RSBN1: variants seen among roughly 807,000 people sequenced by gnomAD.
The protein encoded by RSBN1 is lysine-specific demethylase 9.
RSBN1 carries 23 observed loss-of-function variants against 74.8 expected under a neutral mutation model. The ratio of observed to expected loss-of-function variants is 0.31; its 90% CI spans 0.22 to 0.44. RSBN1 has a LOEUF of 0.44. Ranked by LOEUF, RSBN1 falls within the 20% of genes least tolerant of loss-of-function variation. RSBN1 has a pLI of 1.00. For missense variants in RSBN1, 808 were observed against 1,020.9 expected (o/e 0.79, Z 2.84); for synonymous variants, 407 against 379.6 (o/e 1.07, Z -0.84).
chr1:113,797,248 C>A, intron 2 of RSBN1, 115 bp downstream of exon 2: 1 of 849,854 alleles, frequency 1.2e-6, no homozygotes. Context: ...TTTGAAGCAC[C>A]TTTATTACCA....
chr1:113,790,875 T>C (rs1398958029), intron 2 of RSBN1, among the ~76,000 whole-genome samples: 2 of 152,170 alleles, frequency 1.3e-5, no homozygotes, highest in Non-Finnish European at 2.9e-5. Context: ...CCAGACCTCA[T>C]GAACCAAAAT....
At chr1:113,783,276 GA>G (rs912472871) in intron 2 of RSBN1, among the ~76,000 whole-genome samples, 2 of 147,094 alleles carry the variant, frequency 1.4e-5, no homozygotes, top group African/African-American at 5.0e-5. Flanking sequence ...CTGGCAAAAA[GA>G]AAAAAAAGGG....
chr1:113,811,017 A>C (rs897723100), intron 1 of RSBN1, among the ~76,000 whole-genome samples: 1 of 152,202 alleles, frequency 6.6e-6, no homozygotes, highest in East Asian at 1.9e-4. Context: ...AGACAGAATC[A>C]AATGCAACTG....
At chr1:113,768,572 G>C (rs954466073) in intron 4 of RSBN1, among the ~76,000 whole-genome samples, 183 bp from the exon 5 acceptor site, 1 of 152,098 alleles carries the variant, frequency 6.6e-6, no homozygotes, top group Non-Finnish European at 1.5e-5. Flanking sequence ...AATGCTTAAT[G>C]TAATTACCTT....
intron 2 of RSBN1, among the ~76,000 whole-genome samples, chr1:113,790,952 C>G (rs554732049): frequency 8.5e-4 from 130 of 152,278 alleles, no homozygotes; most frequent in African/African-American, 3.1e-3. Flanking sequence ...TTCTTAGGAT[C>G]TGGCAAGTTT....
At chr1:113,789,014 C>T (rs984393294) in intron 2 of RSBN1, among the ~76,000 whole-genome samples, 12 of 152,144 alleles carry the variant, frequency 7.9e-5, no homozygotes, top group African/African-American at 2.9e-4. Context: ...ATCTGGTCTT[C>T]ATCCCTATTT....
rs1472605350 is a variant in RSBN1, at chr1:113,768,311, A to G, written c.1737T>C (p.Thr579=). The change falls in exon 5 of 7, where the codon ACT becomes ACC. Residue 579 remains threonine (T), a synonymous_variant. Coordinates refer to ENST00000261441, the MANE Select transcript of RSBN1 (RefSeq NM_018364.5). ...EPREVLFEDR[T]RAHADHVGQG... is the part of the protein sequence containing the mutation. ...GACCGACATGATCAGCATGAGCTCT[A>G]GTCCTATCTTCAAAGAGAACTTCGC... The G allele has an allele frequency of 1.2e-6, 2 of 1,613,714 alleles. No homozygotes were observed. Among genetic ancestry groups the G allele is most frequent in the Non-Finnish European group, 1.7e-6 (2 of 1,179,728 alleles).
In RSBN1 at chr1:113,777,237, A is replaced by G; in HGVS notation, c.1631T>C (p.Met544Thr). The change falls in exon 4 of 7, where the codon ATG becomes ACG. Residue 544 changes from methionine to threonine, a missense_variant. By Grantham distance (81) the Met-to-Thr change is moderately conservative. Around this residue, in one of 6 missense-constraint regions of RSBN1, gnomAD observed 112 missense variants for 257.3 expected, o/e 0.44. Coordinates refer to ENST00000261441, the MANE Select transcript of RSBN1 (RefSeq NM_018364.5). ...TCGTCTTTTGAAGGGTGACTTTGGC[A>G]TATCTGCTGTAGGGATCATCTGTTC... ...PGEQMIPTAD[M>T]PKSPFKRRRS... is the part of the protein sequence containing the mutation. 6.2e-7 allele frequency: 1 copy of G among 1,610,688 alleles called. No homozygotes were observed. Among genetic ancestry groups the G allele is most frequent in the Non-Finnish European group, 8.5e-7 (1 of 1,177,932 alleles).
rs904147587 is a variant in RSBN1 at position 113,763,644 on chromosome 1, T to C, written c.*2336A>G. 3 of 152,826 alleles carry C rather than the reference T, an allele frequency of 2.0e-5. No individual in the cohort carries two copies. Among genetic ancestry groups the C allele is most frequent in the Admixed American group, 6.5e-5 (1 of 15,292 alleles). The allele number at this position is 152,826 out of a possible 1,614,324, so 9.5% of individuals were successfully genotyped here. A position where few individuals can be genotyped will look rare whatever the true frequency, so the allele number is the denominator to read the frequency against. On this transcript the variant is annotated 3_prime_UTR_variant, in exon 7 of 7. Transcript: ENST00000261441. ...TAGCTAAATGTTTCTCTTCATTCTA[T>C]TGCAATTCTAACATACAATGAATTT...
intron 4 of RSBN1, among the ~76,000 whole-genome samples, chr1:113,776,972 C>G (rs560736944): frequency 3.3e-5 from 5 of 152,030 alleles, no homozygotes; most frequent in South Asian, 4.1e-4. Flanking sequence ...GGGGTTTGAT[C>G]TTTTATCCTG....
At chr1:113,802,753 G>A (rs1166976433) in intron 1 of RSBN1, among the ~76,000 whole-genome samples, 1 of 150,944 alleles carries the variant, frequency 6.6e-6, no homozygotes, top group African/African-American at 2.4e-5. Context: ...AACCACACCT[G>A]GCTCCCACAA....
chr1:113,781,528 C>T (rs1476268995), intron 2 of RSBN1, among the ~76,000 whole-genome samples: 1 of 152,216 alleles, frequency 6.6e-6, no homozygotes, highest in Non-Finnish European at 1.5e-5. Context: ...ACAGATTTAA[C>T]TACCACCTGT....
intron 1 of RSBN1, among the ~76,000 whole-genome samples, chr1:113,809,041 A>C (rs1660775638): frequency 6.6e-6 from 1 of 152,040 alleles, no homozygotes; most frequent in Non-Finnish European, 1.5e-5. Flanking sequence ...GTGAATCATT[A>C]ATTATCTAAA....
At chr1:113,766,888 C>G (rs1394888241) in intron 6 of RSBN1, among the ~76,000 whole-genome samples, 2 of 152,158 alleles carry the variant, frequency 1.3e-5, no homozygotes, top group Non-Finnish European at 2.9e-5. Context: ...CCCAGGCCCA[C>G]CTGGTATCCC....
At chr1:113,802,050 G>A (rs540743758) in intron 1 of RSBN1, among the ~76,000 whole-genome samples, 9 of 151,816 alleles carry the variant, frequency 5.9e-5, no homozygotes, top group African/African-American at 2.2e-4. Flanking sequence ...TGCCTCCCAA[G>A]TTCAAGTGAT....
chr1:113,784,585 C>A (rs771769725), intron 2 of RSBN1, among the ~76,000 whole-genome samples: 5 of 152,152 alleles, frequency 3.3e-5, no homozygotes, highest in Non-Finnish European at 7.3e-5. Context: ...AAGTGTGCAA[C>A]CTAGATCCCT....
chr1:113,810,020 G>A (rs1029269877), intron 1 of RSBN1, among the ~76,000 whole-genome samples: 1 of 152,144 alleles, frequency 6.6e-6, no homozygotes, highest in Non-Finnish European at 1.5e-5. Flanking sequence ...TATTACACAT[G>A]TTATTGCCAC....
chr1:113,812,182 A>C lies in RSBN1; in HGVS notation c.231T>G (p.His77Gln). The change falls in exon 1 of 7, where the codon CAT becomes CAG. Residue 77 changes from histidine to glutamine, a missense_variant. Physicochemically the swap from His to Gln is conservative, Grantham distance 24 (BLOSUM62 0). Transcript: ENST00000261441. ...TAACTCCCCGCGGGGAGACCCCAGC[A>C]TGAGGTTTCTCCTTCCCCTCTTTGT... Reference protein sequence around the residue: ...EPDKEGKEKPHAGVSPRGVKR... With the variant: ...EPDKEGKEKPQAGVSPRGVKR... 1.2e-6 allele frequency: 2 copies of C among 1,608,760 alleles called. No homozygotes were observed. The highest frequency in any genetic ancestry group is 4.5e-5 in the East Asian group (2 of 44,792).
chr1:113,802,204 C>T (rs1219707098), intron 1 of RSBN1, among the ~76,000 whole-genome samples: 1 of 152,050 alleles, frequency 6.6e-6, no homozygotes, highest in Admixed American at 6.5e-5. Context: ...GATCTATCCG[C>T]CTCGGCCTCC....
Sources: gnomAD v4.1 joint callset for allele counts (sites outside exome capture counted in the v4.1 genomes callset) on GRCh38, gnomAD v4.1.1 for gene constraint, gnomAD v4.1.1 regional missense constraint, MANE v1.5 for transcripts, NCBI Gene and HGNC (gene_info 2026-07-23, HGNC 2026-07-21) for gene names.